Variants in CNKSR2 observed in about 807,000 individuals in gnomAD.
The protein encoded by CNKSR2 is CNK homolog protein 2.
In CNKSR2, 14 loss-of-function variants were observed where a neutral mutation model predicts 84.4. The ratio of observed to expected loss-of-function variants is 0.17; its 90% confidence interval spans 0.11 to 0.26. The LOEUF is 0.26. Ranked by LOEUF, CNKSR2 falls within the 10% of genes least tolerant of loss-of-function variation. CNKSR2 has a pLI of 1.00. For missense variants in CNKSR2, 485 were observed against 771.2 expected (o/e 0.63, Z 4.40); for synonymous variants, 275 against 277.9 (o/e 0.99, Z 0.10).
intron 1 of CNKSR2, chrX:21,424,161 G>A (rs745546521): frequency 9.0e-6 from 1 of 110,973 alleles, no homozygotes; most frequent in East Asian, 2.8e-4. Flanking sequence ...GACACGACTT[G>A]GCATCTTTCT....
chrX:21,631,625 CT>C (rs1415128694), intron 20 of CNKSR2, among the ~76,000 whole-genome samples: 1 of 111,940 alleles, frequency 8.9e-6, no homozygotes. Flanking sequence ...TGAAACATTA[CT>C]TTTAATCACC....
intron 20 of CNKSR2, chrX:21,642,255 T>G (rs904760803): frequency 4.0e-6 from 3 of 751,261 alleles, no homozygotes; most frequent in Non-Finnish European, 4.7e-6. Flanking sequence ...ATGAAGAAAA[T>G]TTCTCATGCC....
chrX:21,534,536 A>G (rs2091911292), intron 11 of CNKSR2, among the ~76,000 whole-genome samples: 1 of 110,153 alleles, frequency 9.1e-6, no homozygotes, highest in Admixed American at 9.7e-5. Flanking sequence ...TGACGGTACC[A>G]ATTTACATTC....
chrX:21,522,055 G>A (rs1569220171), intron 9 of CNKSR2, among the ~76,000 whole-genome samples: 1 of 111,053 alleles, frequency 9.0e-6, no homozygotes, highest in Non-Finnish European at 1.9e-5. Context: ...AAAATTATAT[G>A]TGAATTCTTG....
intron 1 of CNKSR2, among the ~76,000 whole-genome samples, chrX:21,378,953 T>G (rs1159279326): frequency 8.9e-6 from 1 of 112,274 alleles, no homozygotes; most frequent in South Asian, 3.7e-4. Context: ...TACTCTTTCC[T>G]GTTTACTATA....
In CNKSR2 at chrX:21,526,934, A is replaced by G. The variant is rs2091841278; in HGVS notation, c.1025A>G (p.Lys342Arg). ...TPSSTISTPT[K>R]RDSSALQDLY... ...TCCAGCACCATCAGTACACCCACCA[A>G]AAGAGACAGTTCTGCCCTCCAGGAT... The change falls in exon 10 of 22, where the codon AAA (lysine) becomes AGA (arginine). Residue 342 changes from lysine to arginine, a missense_variant. Around this residue, in one of 5 missense-constraint regions of CNKSR2, gnomAD observed 132 missense variants for 166.7 expected, o/e 0.79. Transcript: ENST00000379510. The G allele has an allele frequency of 8.3e-7, 1 of 1,202,639 alleles. No homozygotes were observed. The highest frequency in any genetic ancestry group is 1.8e-5 in the African/African-American group (1 of 56,517).
At chrX:21,641,973 C>T in intron 20 of CNKSR2, 2 of 764,112 alleles carry the variant, frequency 2.6e-6, no homozygotes, top group Non-Finnish European at 3.1e-6. Context: ...GTTGTGTTCT[C>T]CTGACACCAG....
At chrX:21,448,917 A>G (rs1379779347) in intron 4 of CNKSR2, among the ~76,000 whole-genome samples, 1 of 111,887 alleles carries the variant, frequency 8.9e-6, no homozygotes, top group African/African-American at 3.2e-5. Flanking sequence ...GAAATTGTAA[A>G]TGACAGCGGC....
intron 11 of CNKSR2, among the ~76,000 whole-genome samples, chrX:21,549,085 G>C (rs1351815070): frequency 8.9e-6 from 1 of 112,442 alleles, no homozygotes; most frequent in African/African-American, 3.2e-5. Context: ...CATCAGGCAA[G>C]AGAAAGAAAT....
chrX:21,503,953 G>C (rs770462754), intron 8 of CNKSR2: 9 of 111,294 alleles, frequency 8.1e-5, no homozygotes, highest in Non-Finnish European at 1.3e-4. Flanking sequence ...TTGGCATACT[G>C]CTACTAGAGC....
intron 1 of CNKSR2, among the ~76,000 whole-genome samples, chrX:21,409,998 G>C (rs1232640112): frequency 9.2e-6 from 1 of 108,162 alleles, no homozygotes; most frequent in East Asian, 2.9e-4. Flanking sequence ...AAACGGCATA[G>C]CTAAATAATC....
chrX:21,480,607 C>G (rs2091309025), intron 5 of CNKSR2, among the ~76,000 whole-genome samples: 1 of 111,442 alleles, frequency 9.0e-6, no homozygotes, highest in Non-Finnish European at 1.9e-5. Flanking sequence ...TTCCCAGATC[C>G]AATTCTGGTT....
chrX:21,525,066 T>G (rs182096852), intron 9 of CNKSR2, among the ~76,000 whole-genome samples: 3 of 111,376 alleles, frequency 2.7e-5, no homozygotes, highest in Non-Finnish European at 5.7e-5. Flanking sequence ...AAAACCAAGA[T>G]GTCCTGACAG....
chrX:21,500,146 G>GT (rs938488392), intron 7 of CNKSR2, among the ~76,000 whole-genome samples: 3 of 110,738 alleles, frequency 2.7e-5, no homozygotes, highest in African/African-American at 9.8e-5. Context: ...TATTCTTAGA[G>GT]TTTTTTATTG....
chrX:21,533,197 G>A (rs964217570), intron 11 of CNKSR2, among the ~76,000 whole-genome samples: 4 of 110,199 alleles, frequency 3.6e-5, no homozygotes, highest in Non-Finnish European at 7.6e-5. Context: ...TACTCTAGTG[G>A]CAATTAAACT....
intron 4 of CNKSR2, 100 bp from the exon 5 acceptor site, chrX:21,470,666 A>G: frequency 2.5e-6 from 1 of 395,711 alleles, no homozygotes; most frequent in Admixed American, 4.9e-5. Context: ...TTTTACTTGA[A>G]TTGTTAAGAC....
At chrX:21,551,483 A>G (rs2092091949) in intron 11 of CNKSR2, among the ~76,000 whole-genome samples, 1 of 112,415 alleles carries the variant, frequency 8.9e-6, no homozygotes, top group African/African-American at 3.2e-5. Flanking sequence ...GGGGGAAAAA[A>G]ACCTCTTCAG....
chrX:21,601,383 T>A (rs2092481139), intron 18 of CNKSR2, 34 bp downstream of exon 18: 1 of 900,135 alleles, frequency 1.1e-6, no homozygotes, highest in Admixed American at 2.7e-5. Flanking sequence ...AATTATGTTA[T>A]ACTTTTTTTC....
At chrX:21,596,553 T>C (rs1481483513) in intron 17 of CNKSR2, among the ~76,000 whole-genome samples, 1 of 111,627 alleles carries the variant, frequency 9.0e-6, no homozygotes, top group African/African-American at 3.2e-5. Flanking sequence ...CCCAGGCATT[T>C]TTAAGCACAA....
Sources: allele counts gnomAD v4.1 joint callset (sites outside exome capture counted in the v4.1 genomes callset), GRCh38; gene constraint gnomAD v4.1.1; regional missense constraint gnomAD v4.1.1; transcripts MANE v1.5; gene names NCBI Gene and HGNC (gene_info 2026-07-23, HGNC 2026-07-21).